The following EBF3 variants were observed in gnomAD, a reference collection of about 807,000 sequenced individuals.
EBF3 encodes transcription factor COE3.
In EBF3, 18 loss-of-function variants were observed where a neutral mutation model predicts 77.1. That is an observed-to-expected ratio of 0.23 (90% CI 0.16 to 0.35). EBF3 has a LOEUF of 0.35. Ranked by LOEUF, EBF3 falls within the 10% of genes least tolerant of loss-of-function variation. The pLI, the probability that EBF3 is intolerant of heterozygous loss-of-function variation, is 1.00. For missense variants in EBF3, 558 were observed against 860.0 expected, an observed-to-expected ratio of 0.65 and a Z score of 4.39; for synonymous variants, 350 against 343.5, an observed-to-expected ratio of 1.02 and a Z score of -0.21.
intron 11 of EBF3, among the ~76,000 whole-genome samples, chr10:129,844,653 C>T (rs1451759424): frequency 6.6e-6 from 1 of 152,096 alleles, no homozygotes; most frequent in Admixed American, 6.6e-5. Context: ...GCCATACGTT[C>T]CCAGGAACAG....
Position 129,885,255 on chromosome 10 carries a change from C to T in EBF3, c.555-7406G>A, listed in dbSNP as rs1282639541. On this transcript the variant is annotated intron_variant, in intron 6 of 16. Transcript: ENST00000440978. The surrounding 1 kb of genome is among the most constrained non-coding windows in gnomAD (Gnocchi z 4.0). The stretch of plus-strand genomic sequence containing the variant: ...TTGCCGGCCAGTTCAATATCCCCTT[C>T]CAGAACAGATCCCCGCCAAGTCCTC... 6.6e-6 allele frequency among the ~76,000 whole-genome samples: 1 copy of T among 152,144 alleles called. No homozygotes were observed. The highest frequency in any genetic ancestry group is 1.5e-5 in the Non-Finnish European group (1 of 68,026).
intron 9 of EBF3, 48 bp from the exon 10 acceptor site, chr10:129,867,315 G>A (rs201789578): frequency 7.5e-6 from 12 of 1,607,932 alleles, no homozygotes; most frequent in Middle Eastern, 1.7e-4. Flanking sequence ...CTGGCTATGA[G>A]AGGCGGACAC....
chr10:129,840,551 CAT>C, intron 14 of EBF3, 109 bp from the exon 15 acceptor site: 1 of 1,268,106 alleles, frequency 7.9e-7, no homozygotes, highest in Admixed American at 2.2e-5. Context: ...GAAAACAAAA[CAT>C]GACATGCGTC....
intron 6 of EBF3, among the ~76,000 whole-genome samples, chr10:129,898,844 C>T (rs955387608): frequency 5.3e-5 from 8 of 152,216 alleles, no homozygotes; most frequent in African/African-American, 1.9e-4. Flanking sequence ...CGCGCCCAGG[C>T]CCCGCTGCGC....
rs998758321 is a variant in EBF3 at position 129,848,192 on chromosome 10, G to A, written c.1128+200C>T. Among the ~76,000 whole-genome samples the A allele has an allele frequency of 2.0e-5, 3 of 152,188 alleles. No individual in the cohort carries two copies. The highest frequency in any genetic ancestry group is 4.4e-5 in the Non-Finnish European group (3 of 68,042). On this transcript the variant is annotated intron_variant, in intron 11 of 16. Coordinates refer to ENST00000440978, the MANE Select transcript of EBF3 (RefSeq NM_001375380.1). The surrounding 1 kb of genome is among the most constrained non-coding windows in gnomAD (Gnocchi z 4.4). ...GAGATGTAAAACTCGAGCCGTCTAC[G>A]CCTTCTCTCACCCTTCGCCCACCTC...
rs756038124 is a variant in EBF3, at chr10:129,877,764, A to G, written c.636+4T>C. 6.2e-7 allele frequency: 1 copy of G among 1,612,942 alleles called. No individual in the cohort carries two copies. Among genetic ancestry groups the G allele is most frequent in the South Asian group, 1.1e-5 (1 of 90,846 alleles). ...CGGTCCACGTGTCTTTGAGAAATGT[A>G]TACCTGGAATCTCCGCATATCTCGA... On this transcript the variant is annotated splice_donor_region_variant and intron_variant, in intron 7 of 16. Coordinates refer to ENST00000440978, the MANE Select transcript of EBF3 (RefSeq NM_001375380.1).
Position 129,947,945 on chromosome 10 carries a change from G to A in EBF3, c.554+9313C>T, listed in dbSNP as rs911952965. Among the ~76,000 whole-genome samples the A allele has an allele frequency of 7.2e-5, 11 of 152,104 alleles. No homozygotes were observed. The highest frequency in any genetic ancestry group is 2.7e-4 in the African/African-American group (11 of 41,414). ...AAGAAGACATGCAGGAAACTTAAAT[G>A]CCTACTGCTCAGTGAAAGAAGCCAG... On this transcript the variant is annotated intron_variant, in intron 6 of 16. Coordinates refer to ENST00000440978, the MANE Select transcript of EBF3 (RefSeq NM_001375380.1). This position sits in a 1 kb window ranked among gnomAD's most constrained non-coding sequence, Gnocchi z 4.5.
At chr10:129,857,028 T>C (rs929599728) in intron 10 of EBF3, among the ~76,000 whole-genome samples, 2 of 152,094 alleles carry the variant, frequency 1.3e-5, no homozygotes, top group African/African-American at 4.8e-5. Flanking sequence ...AGCCCAGCAG[T>C]GGGGGAAGGG....
chr10:129,915,883 G>A, intron 6 of EBF3, among the ~76,000 whole-genome samples: 1 of 152,226 alleles, frequency 6.6e-6, no homozygotes, highest in East Asian at 1.9e-4. Context: ...CTTCCCGGGT[G>A]GCAGGGAGAG....
chr10:129,922,276 A>T (rs1856366900), intron 6 of EBF3, among the ~76,000 whole-genome samples: 1 of 152,116 alleles, frequency 6.6e-6, no homozygotes, highest in Admixed American at 6.5e-5. Context: ...CCAGAGTGGG[A>T]TGCATCCCCC....
At chr10:129,936,294 C>T (rs952590333) in intron 6 of EBF3, among the ~76,000 whole-genome samples, 1 of 152,160 alleles carries the variant, frequency 6.6e-6, no homozygotes, top group Non-Finnish European at 1.5e-5. Context: ...ATAACCCCTG[C>T]CCAGCCCACC....
At position 129,938,025 on chromosome 10, in the gene EBF3, T is replaced by C. The variant is rs1857477691; in HGVS notation, c.554+19233A>G. Among the ~76,000 whole-genome samples, 1 of 152,198 alleles carries C rather than the reference T, an allele frequency of 6.6e-6. No individual in the cohort carries two copies. The highest frequency in any genetic ancestry group is 1.5e-5 in the Non-Finnish European group (1 of 68,042). On this transcript the variant is annotated intron_variant, in intron 6 of 16. Coordinates refer to ENST00000440978, the MANE Select transcript of EBF3 (RefSeq NM_001375380.1). This position sits in a 1 kb window ranked among gnomAD's most constrained non-coding sequence, Gnocchi z 5.1. ...AAATACTTCGAAATGGTACAAGCTA[T>C]TTTCTGGCATGTTCATTGACATCAC...
In EBF3 at chr10:129,957,240, T is replaced by C. The variant is rs750208382; in HGVS notation, c.554+18A>G. 2 of 1,583,380 alleles carry C rather than the reference T, an allele frequency of 1.3e-6. No homozygotes were observed. Among genetic ancestry groups the C allele is most frequent in the South Asian group, 2.3e-5 (2 of 85,644 alleles). On this transcript the variant is annotated intron_variant, in intron 6 of 16. Transcript: ENST00000440978. ...GCTGCTGCGGTTTTGTTTTGAAAAA[T>C]AAAGAAGTCATCCTTACCTGTCAAT... is the stretch of plus-strand genomic sequence containing the variant.
chr10:129,901,262 T>G (rs192831113), intron 6 of EBF3, among the ~76,000 whole-genome samples: 135 of 152,348 alleles, frequency 8.9e-4, no homozygotes, highest in Admixed American at 2.5e-3. Context: ...TTATGACGCC[T>G]AAACTTACCC....
At chr10:129,838,356 C>T (rs899265030) in intron 16 of EBF3, among the ~76,000 whole-genome samples, 18 of 152,234 alleles carry the variant, frequency 1.2e-4, no homozygotes, top group Non-Finnish European at 1.9e-4. Context: ...CCTGGTCACT[C>T]CCGTGACGCC....
intron 11 of EBF3, among the ~76,000 whole-genome samples, chr10:129,844,872 T>G (rs1420759341): frequency 2.0e-5 from 3 of 152,166 alleles, no homozygotes; most frequent in Non-Finnish European, 4.4e-5. Flanking sequence ...AGATAAAGTG[T>G]TTTTCAGAGG....
intron 7 of EBF3, among the ~76,000 whole-genome samples, chr10:129,877,348 G>C (rs960342647): frequency 6.6e-6 from 1 of 151,950 alleles, no homozygotes; most frequent in Non-Finnish European, 1.5e-5. Context: ...GGGTGTGGTG[G>C]TGTGCGCCTG....
chr10:129,869,428 CA>C (rs1852258801), intron 8 of EBF3, among the ~76,000 whole-genome samples: 1 of 152,128 alleles, frequency 6.6e-6, no homozygotes, highest in African/African-American at 2.4e-5. Flanking sequence ...TTTGCTCCCC[CA>C]CGGCTCTCCA....
At position 129,902,230 on chromosome 10, in the gene EBF3, ATTTTTTT is replaced by A. The variant is rs34324443; in HGVS notation, c.555-24388_555-24382del. ...GGGGAAACACAAGGAACTTCCAGACATTTTTTTTTTTTTTTTTACTATGTTTCAATGC... is the reference window on the plus strand; with the variant it reads ...GGGGAAACACAAGGAACTTCCAGACATTTTTTTTTTACTATGTTTCAATGC... On this transcript the variant is annotated intron_variant, in intron 6 of 16. Transcript: ENST00000440978. Among the ~76,000 whole-genome samples the A allele has an allele frequency of 2.8e-5, 4 of 142,256 alleles. No individual in the cohort carries two copies. In the South Asian group the frequency reaches 7.0e-4, roughly 25 times the overall value. 93.3% of individuals were successfully genotyped at this position (142,256 alleles called of 152,430 possible). A position where few individuals can be genotyped will look rare whatever the true frequency, so the allele number is the denominator to read the frequency against.
Sources: gnomAD v4.1 joint callset for allele counts (sites outside exome capture counted in the v4.1 genomes callset) on GRCh38, gnomAD v4.1.1 for gene constraint, Gnocchi (gnomAD v3.1) non-coding constraint, MANE v1.5 for transcripts, NCBI Gene and HGNC (gene_info 2026-07-23, HGNC 2026-07-21) for gene names.